PCSK5: variants seen among roughly 807,000 people sequenced by gnomAD.
PCSK5 encodes the protein prohormone convertase 5.
Under a neutral mutation model 233.2 loss-of-function variants are expected in PCSK5, and 129 were observed. The ratio of observed to expected loss-of-function variants is 0.55; its 90% CI spans 0.48 to 0.64. The LOEUF (loss-of-function observed/expected upper bound fraction) is 0.64. Among genes scored for constraint, PCSK5 ranks in the 30% least tolerant of loss-of-function variants. PCSK5 has a pLI of 0.00. For synonymous variants in PCSK5, 825 were observed against 879.2 expected (o/e 0.94, Z 1.09); for missense variants, 2,076 against 2,430.1 (o/e 0.85, Z 3.06).
chr9:75,916,045 A>AAG (rs760275621), intron 1 of PCSK5, among the ~76,000 whole-genome samples: 2 of 152,178 alleles, frequency 1.3e-5, no homozygotes, highest in Non-Finnish European at 2.9e-5. Context: ...TGCTGAGATA[A>AAG]AGGTCAGTGG....
chr9:76,219,129 T>C (rs995811203), intron 20 of PCSK5, among the ~76,000 whole-genome samples: 1 of 152,142 alleles, frequency 6.6e-6, no homozygotes. Flanking sequence ...GGTATGCAGC[T>C]CCTCCTCTCT....
chr9:76,083,661 C>T (rs1830943631), intron 7 of PCSK5, among the ~76,000 whole-genome samples: 1 of 152,206 alleles, frequency 6.6e-6, no homozygotes, highest in African/African-American at 2.4e-5. Context: ...ATTTTCCCTT[C>T]CCATCATCAA....
At chr9:76,280,205 A>C (rs1246233973) in intron 24 of PCSK5, among the ~76,000 whole-genome samples, 8 of 152,176 alleles carry the variant, frequency 5.3e-5, no homozygotes, top group African/African-American at 1.9e-4. Context: ...GGGCACCATG[A>C]ACCCCACCAT....
At chr9:76,102,888 T>C (rs1000061151) in intron 8 of PCSK5, among the ~76,000 whole-genome samples, 6 of 152,234 alleles carry the variant, frequency 3.9e-5, no homozygotes, top group African/African-American at 1.4e-4. Flanking sequence ...AAATAAATAT[T>C]GTGCCTCTTG....
At chr9:76,092,661 TAGTG>T (rs910876862) in intron 7 of PCSK5, among the ~76,000 whole-genome samples, 4 of 152,228 alleles carry the variant, frequency 2.6e-5, no homozygotes, top group African/African-American at 7.2e-5. Flanking sequence ...CCCAGCCCGT[TAGTG>T]AGCACTTCTG....
At position 76,093,582 on chromosome 9, in the gene PCSK5, T is replaced by TACACAC. The variant is rs3074176; in HGVS notation, c.895-2295_895-2290dup. 8.7e-3 allele frequency among the ~76,000 whole-genome samples: 1,300 copies of TACACAC among 149,926 alleles called. 10 individuals are homozygous for TACACAC. The highest frequency in any genetic ancestry group is 0.03 in the African/African-American group (1,217 of 40,756). On this transcript the variant is annotated intron_variant, in intron 7 of 37. Coordinates refer to ENST00000674117, the MANE Select transcript of PCSK5 (RefSeq NM_001372043.1). ...TCATAATTTTATATATATATATATA[T>TACACAC]ACACACACACACACACACGTGCTTG...
intron 9 of PCSK5, among the ~76,000 whole-genome samples, chr9:76,119,575 C>CTA (rs1395222393): frequency 2.6e-5 from 4 of 152,054 alleles, no homozygotes; most frequent in African/African-American, 9.7e-5. Context: ...AAGCTCTTTC[C>CTA]TATGTCAACA....
intron 8 of PCSK5, among the ~76,000 whole-genome samples, chr9:76,100,621 G>A (rs191548689): frequency 1.4e-3 from 216 of 152,314 alleles, no homozygotes; most frequent in Middle Eastern, 3.4e-3. Context: ...ATGCATCTTA[G>A]GGATATCCAG....
intron 9 of PCSK5, among the ~76,000 whole-genome samples, chr9:76,117,840 G>A (rs1206715190): frequency 6.6e-6 from 1 of 152,072 alleles, no homozygotes; most frequent in African/African-American, 2.4e-5. Flanking sequence ...TACGAAGGAA[G>A]AGAATTCTAG....
intron 7 of PCSK5, among the ~76,000 whole-genome samples, chr9:76,085,476 T>C (rs1831027444): frequency 1.3e-5 from 2 of 152,214 alleles, no homozygotes; most frequent in Non-Finnish European, 2.9e-5. Context: ...AGATTGCACA[T>C]ATGAAGTATG....
chr9:76,310,716 T>G lies in PCSK5; in HGVS notation c.3749T>G (p.Val1250Gly). The G allele has an allele frequency of 6.2e-7, 1 of 1,611,572 alleles. No individual in the cohort carries two copies. Among genetic ancestry groups the G allele is most frequent in the South Asian group, 1.1e-5 (1 of 90,818 alleles). The stretch of plus-strand genomic sequence containing the variant: ...TGTCCCCAAGGCACATGGCCTTCCG[T>G]AAGGAGTGGGAGCTGCGAGAACTGT... ...SSCPQGTWPS[V>G]RSGSCENCTE... The change falls in exon 30 of 38, where the codon GTA becomes GGA. Residue 1250 changes from valine to glycine, a missense_variant. Around this residue, in one of 6 missense-constraint regions of PCSK5, gnomAD observed 1,510 missense variants for 1,538.1 expected, o/e 0.98. Coordinates refer to ENST00000674117, the MANE Select transcript of PCSK5 (RefSeq NM_001372043.1).
Position 75,904,429 on chromosome 9 carries a change from A to G in PCSK5, c.192+13056A>G, listed in dbSNP as rs549632441. 2.6e-5 allele frequency among the ~76,000 whole-genome samples: 4 copies of G among 152,294 alleles called. No individual in the cohort carries two copies. In the East Asian group the frequency reaches 7.7e-4, roughly 29 times the overall value. On this transcript the variant is annotated intron_variant, in intron 1 of 37. Coordinates refer to ENST00000674117, the MANE Select transcript of PCSK5 (RefSeq NM_001372043.1). ...TACCCAAAATATGTAATGAATTCTC[A>G]CTCTCAATAATAAAAGACCAATTTC...
intron 9 of PCSK5, among the ~76,000 whole-genome samples, chr9:76,114,377 A>C (rs1832344788): frequency 6.6e-6 from 1 of 152,144 alleles, no homozygotes; most frequent in East Asian, 1.9e-4. Flanking sequence ...GTCTACATAT[A>C]CACAGACAAT....
In PCSK5 at chr9:76,189,762, C is replaced by T. The variant is rs768841485; in HGVS notation, c.2626+16C>T. The T allele has an allele frequency of 2.4e-6, 3 of 1,274,522 alleles. No individual in the cohort carries two copies. The highest frequency in any genetic ancestry group is 3.4e-6 in the Non-Finnish European group (3 of 876,794). The allele number at this position is 1,274,522 out of a possible 1,614,324, so 79.0% of individuals were successfully genotyped here. ...TGCAAGGATGGTGAGTACAACTGCCCATATCGATCTTATGAAGCAAAGTAT... is the reference window on the plus strand; with the variant it reads ...TGCAAGGATGGTGAGTACAACTGCCTATATCGATCTTATGAAGCAAAGTAT... On this transcript the variant is annotated intron_variant, in intron 20 of 37. Transcript: ENST00000674117.
At chr9:75,973,203 T>A (rs1172979703) in intron 2 of PCSK5, among the ~76,000 whole-genome samples, 1 of 152,232 alleles carries the variant, frequency 6.6e-6, no homozygotes, top group East Asian at 1.9e-4. Flanking sequence ...AAAATTATTA[T>A]AACCAGTGAT....
In PCSK5 at chr9:76,217,560, A is replaced by C. The variant is rs1052704467; in HGVS notation, c.2627-9943A>C. Among the ~76,000 whole-genome samples, 9 of 152,362 alleles carry C rather than the reference A, an allele frequency of 5.9e-5. No homozygotes were observed. In the East Asian group the frequency reaches 1.5e-3, roughly 26 times the overall value. ...TTATGGAACTTGCCCAAGGTTACAC[A>C]TGTAGCCAAGACAGGGCTGAGGTTC... On this transcript the variant is annotated intron_variant, in intron 20 of 37. Coordinates refer to ENST00000674117, the MANE Select transcript of PCSK5 (RefSeq NM_001372043.1).
chr9:76,342,914 C>A (rs1466545144), intron 35 of PCSK5, among the ~76,000 whole-genome samples: 4 of 152,182 alleles, frequency 2.6e-5, no homozygotes, highest in Non-Finnish European at 5.9e-5. Context: ...TCCTGCCAAA[C>A]CTACCCCTTA....
chr9:76,139,340 C>G (rs908377394), intron 10 of PCSK5, among the ~76,000 whole-genome samples: 4 of 152,116 alleles, frequency 2.6e-5, no homozygotes, highest in African/African-American at 7.2e-5. Context: ...TATTATTTCA[C>G]TGTACAAATA....
chr9:75,891,040 G>A lies in PCSK5; in HGVS notation c.-142G>A. 7.0e-6 allele frequency: 4 copies of A among 567,974 alleles called. No individual in the cohort carries two copies. Among genetic ancestry groups the A allele is most frequent in the Non-Finnish European group, 1.1e-5 (4 of 369,976 alleles). 35.2% of individuals were successfully genotyped at this position (567,974 alleles called of 1,614,324 possible). A position where few individuals can be genotyped will look rare whatever the true frequency, so the allele number is the denominator to read the frequency against. On this transcript the variant is annotated 5_prime_UTR_variant, in exon 1 of 38. Coordinates refer to ENST00000674117, the MANE Select transcript of PCSK5 (RefSeq NM_001372043.1). ...GCTCTGCTCCCTGCCGGGGCTAGCC[G>A]CCTCCTGCCGATCGCCCGGGGCTGC...
Sources: gnomAD v4.1 joint callset for allele counts (sites outside exome capture counted in the v4.1 genomes callset) on GRCh38, gnomAD v4.1.1 for gene constraint, gnomAD v4.1.1 regional missense constraint, MANE v1.5 for transcripts, NCBI Gene and HGNC (gene_info 2026-07-23, HGNC 2026-07-21) for gene names.